CLK3: variants seen among roughly 807,000 people sequenced by gnomAD.
CLK3 encodes CDC like kinase 3, also known as dual specificity protein kinase CLK3.
In CLK3, 24 loss-of-function variants were observed where a neutral mutation model predicts 65.2. The ratio of observed to expected loss-of-function variants is 0.37; its 90% CI spans 0.27 to 0.52. CLK3 has a LOEUF of 0.52. Among genes scored for constraint, CLK3 ranks in the 20% least tolerant of loss-of-function variants. The pLI, the probability that CLK3 is intolerant of heterozygous loss-of-function variation, is 0.92. For synonymous variants in CLK3, 252 were observed against 240.8 expected (o/e 1.05, Z -0.43); for missense variants, 506 against 660.0 (o/e 0.77, Z 2.56).
chr15:74,615,637 G>A (rs549015478), upstream of CLK3: 5 of 1,252,080 alleles, frequency 4.0e-6, no homozygotes, highest in Admixed American at 1.3e-4. Context: ...CGGGAGGCGG[G>A]CCGGGCCAGG....
upstream of CLK3, chr15:74,615,213 G>A: frequency 2.5e-6 from 1 of 397,194 alleles, no homozygotes; most frequent in East Asian, 3.6e-5. Context: ...GGGGCTCAAG[G>A]AGAGGGGATC....
chr15:74,626,842 T>A, intron 7 of CLK3: 1 of 386,656 alleles, frequency 2.6e-6, no homozygotes, highest in Non-Finnish European at 5.2e-6. Flanking sequence ...TGCTTATGAC[T>A]AGCAATGAGA....
chr15:74,625,000 A>G lies in CLK3; in HGVS notation c.632A>G (p.Lys211Arg). 6.2e-7 allele frequency: 1 copy of G among 1,613,664 alleles called. No homozygotes were observed. The highest frequency in any genetic ancestry group is 8.5e-7 in the Non-Finnish European group (1 of 1,179,652). Residue 211 changes from lysine (K) to arginine (R), a missense_variant, in exon 6 of 13, where the codon AAG (lysine) becomes AGG (arginine). Lys to Arg is a conservative substitution (Grantham distance 26). Transcript: ENST00000395066. This position sits in a 1 kb window ranked among gnomAD's most constrained non-coding sequence, Gnocchi z 4.2. The part of the protein sequence containing the change: ...EINVLKKIKE[K>R]DKENKFLCVL... Reference sequence around the variant, plus strand: ...AACGTGCTCAAAAAAATCAAGGAGAAGGACAAAGAAAACAAGTTGTGAGTA... The same window carrying G: ...AACGTGCTCAAAAAAATCAAGGAGAGGGACAAAGAAAACAAGTTGTGAGTA...
chr15:74,622,869 C>T lies in CLK3; in HGVS notation c.533+309C>T, dbSNP rs1382092306. Among the ~76,000 whole-genome samples the T allele has an allele frequency of 2.6e-5, 4 of 152,192 alleles. No individual in the cohort carries two copies. Among genetic ancestry groups the T allele is most frequent in the African/African-American group, 4.8e-5 (2 of 41,440 alleles). ...TATCAGAACAGGGCCAAGGCCCCGGCTCCCCTGTGGCTTGGAGCTGCTTCC... is the reference window on the plus strand; with the variant it reads ...TATCAGAACAGGGCCAAGGCCCCGGTTCCCCTGTGGCTTGGAGCTGCTTCC... On this transcript the variant is annotated intron_variant, in intron 5 of 12. Transcript: ENST00000395066. The surrounding 1 kb of genome is among the most constrained non-coding windows in gnomAD (Gnocchi z 4.6).
At chr15:74,626,019 A>C in intron 7 of CLK3, 51 bp downstream of exon 7, 2 of 1,590,082 alleles carry the variant, frequency 1.3e-6, no homozygotes, top group Non-Finnish European at 1.7e-6. Context: ...CCTGCAGCCA[A>C]GTCATCTGGT....
rs1368295688 is a variant in CLK3 at position 74,629,010 on chromosome 15, A to G, written c.1274A>G (p.Lys425Arg). 3 of 1,613,640 alleles carry G rather than the reference A, an allele frequency of 1.9e-6. No individual in the cohort carries two copies. Among genetic ancestry groups the G allele is most frequent in the Admixed American group, 1.7e-5 (1 of 60,012 alleles). The change falls in exon 12 of 13, where the codon AAG (lysine) becomes AGG (arginine). Residue 425 changes from lysine to arginine, a missense_variant. By Grantham distance (26) the Lys-to-Arg change is conservative (BLOSUM62 2). This residue lies in a region of CLK3 where 325 missense variants were observed against 500.5 expected (regional missense o/e 0.65). Coordinates refer to ENST00000395066, the MANE Select transcript of CLK3 (RefSeq NM_001130028.2). ...DENSSDGRYV[K>R]ENCKPLKSYM... is the part of the protein sequence containing the mutation. The stretch of plus-strand genomic sequence containing the variant: ...AACAGCTCTGACGGCCGGTATGTGA[A>G]GGAGAACTGCAAACCTCTGAAGGTC...
At chr15:74,609,358 T>C (rs143847944) in intron 1 of CLK3, among the ~76,000 whole-genome samples, 62 of 152,344 alleles carry the variant, frequency 4.1e-4, no homozygotes, top group African/African-American at 1.4e-3. Flanking sequence ...GGGCCAGTTA[T>C]GTGAAGATGA....
chr15:74,628,892 G>T (rs771716501), intron 11 of CLK3, 50 bp from the exon 12 acceptor site: 2 of 1,361,494 alleles, frequency 1.5e-6, no homozygotes, highest in Non-Finnish European at 2.1e-6. Flanking sequence ...CCCACCAGAG[G>T]CTTGTCCCCT....
upstream of CLK3, among the ~76,000 whole-genome samples, chr15:74,611,607 A>C (rs956412933): frequency 2.6e-5 from 4 of 152,222 alleles, no homozygotes; most frequent in Non-Finnish European, 5.9e-5. Context: ...GTTGGAGCAC[A>C]TGCCAGGGAA....
chr15:74,611,380 G>A (rs2061987348), upstream of CLK3, among the ~76,000 whole-genome samples: 1 of 152,222 alleles, frequency 6.6e-6, no homozygotes, highest in African/African-American at 2.4e-5. Context: ...GAAAGCCCAG[G>A]AAGAAGGAAT....
upstream of CLK3, among the ~76,000 whole-genome samples, chr15:74,612,193 C>T (rs2061998078): frequency 6.6e-6 from 1 of 152,236 alleles, no homozygotes; most frequent in African/African-American, 2.4e-5. Context: ...ACCAGAGCCA[C>T]GTTCCCCCTT....
intron 7 of CLK3, chr15:74,626,872 G>T: frequency 2.4e-6 from 1 of 410,664 alleles, no homozygotes; most frequent in South Asian, 1.8e-5. Flanking sequence ...GTCTTCCTGG[G>T]TATGCGACCT....
Position 74,627,571 on chromosome 15 carries a change from C to T in CLK3, c.945C>T (p.Ser315=). Residue 315 remains serine, a synonymous_variant, in exon 9 of 13, where the codon AGC becomes AGT. Transcript: ENST00000395066. The surrounding 1 kb of genome is among the most constrained non-coding windows in gnomAD (Gnocchi z 4.3). ...SCEEKSVKNT[S]IRVADFGSAT... ...AGGAGAAGTCAGTGAAGAACACCAG[C>T]ATCCGAGTGGCTGACTTTGGCAGTG... 1 of 1,614,218 alleles carries T rather than the reference C, an allele frequency of 6.2e-7. No homozygotes were observed. Among genetic ancestry groups the T allele is most frequent in the Non-Finnish European group, 8.5e-7 (1 of 1,180,036 alleles).
At chr15:74,614,670 G>C (rs1451843663), upstream of CLK3, among the ~76,000 whole-genome samples, 1 of 152,208 alleles carries the variant, frequency 6.6e-6, no homozygotes, top group African/African-American at 2.4e-5. Flanking sequence ...TCGGAAGCGG[G>C]GGGCTCCCCT....
chr15:74,612,789 T>A (rs1454175010), upstream of CLK3, among the ~76,000 whole-genome samples: 2 of 152,248 alleles, frequency 1.3e-5, no homozygotes, highest in Non-Finnish European at 2.9e-5. Flanking sequence ...CCATGAGGAC[T>A]GGCCGCTGCC....
chr15:74,624,531 CA>C lies in CLK3; in HGVS notation c.534-370del. The C allele has an allele frequency of 5.9e-5, 11 of 186,744 alleles. No individual in the cohort carries two copies. The highest frequency in any genetic ancestry group is 3.8e-4 in the South Asian group (2 of 5,220). 11.6% of individuals were successfully genotyped at this position (186,744 alleles called of 1,614,324 possible). Reference sequence around the variant, plus strand: ...CGCCGCAGGAGGGTTCTCGGTGGGACAGCCTGGCCAGGGTTGGGGCTGCCTG... The same window carrying C: ...CGCCGCAGGAGGGTTCTCGGTGGGACGCCTGGCCAGGGTTGGGGCTGCCTG... On this transcript the variant is annotated intron_variant, in intron 5 of 12. Coordinates refer to ENST00000395066, the MANE Select transcript of CLK3 (RefSeq NM_001130028.2). This position sits in a 1 kb window ranked among gnomAD's most constrained non-coding sequence, Gnocchi z 4.2.
At chr15:74,618,888 C>T (rs1395588462) in intron 1 of CLK3, among the ~76,000 whole-genome samples, 3 of 152,246 alleles carry the variant, frequency 2.0e-5, no homozygotes, top group Non-Finnish European at 4.4e-5. Context: ...GTTCACCGTC[C>T]CCACCCAGGG....
chr15:74,623,566 G>A (rs532593578), intron 5 of CLK3: 16 of 152,320 alleles, frequency 1.1e-4, no homozygotes, highest in East Asian at 7.7e-4. Context: ...ATGCCTGTAC[G>A]ACTCAGCGTG....
Position 74,627,184 on chromosome 15 carries a change from C to T in CLK3, c.818-168C>T. Reference sequence around the variant, plus strand: ...CTCCAAGGCCTCAAGTACAGAGAACCCTTGAGAGGGAGGCCAGCACAGAGG... The same window carrying T: ...CTCCAAGGCCTCAAGTACAGAGAACTCTTGAGAGGGAGGCCAGCACAGAGG... On this transcript the variant is annotated intron_variant, in intron 7 of 12. Transcript: ENST00000395066. This position sits in a 1 kb window ranked among gnomAD's most constrained non-coding sequence, Gnocchi z 4.3. 1.4e-6 allele frequency: 1 copy of T among 726,972 alleles called. No individual in the cohort carries two copies. Among genetic ancestry groups the T allele is most frequent in the Non-Finnish European group, 2.5e-6 (1 of 398,066 alleles). 45.0% of individuals were successfully genotyped at this position (726,972 alleles called of 1,614,324 possible).
Sources: allele counts gnomAD v4.1 joint callset (sites outside exome capture counted in the v4.1 genomes callset), GRCh38; gene constraint gnomAD v4.1.1; regional missense constraint gnomAD v4.1.1; non-coding constraint Gnocchi (gnomAD v3.1); transcripts MANE v1.5; gene names NCBI Gene and HGNC (gene_info 2026-07-23, HGNC 2026-07-21).